Variants in DUOX1 observed in about 807,000 individuals in gnomAD.
DUOX1 encodes NADPH thyroid oxidase 1.
DUOX1 carries 134 observed loss-of-function variants against 181.8 expected under a neutral mutation model. The ratio of observed to expected loss-of-function variants is 0.74; its 90% CI spans 0.64 to 0.85. The LOEUF (loss-of-function observed/expected upper bound fraction) is 0.85, where lower values mean the gene tolerates loss of function less well. Ranked by LOEUF, DUOX1 falls within the 40% of genes least tolerant of loss-of-function variation. DUOX1 has a pLI of 0.00. For missense variants in DUOX1, 1,814 were observed against 2,064.4 expected (o/e 0.88, Z 2.35); for synonymous variants, 798 against 832.5 (o/e 0.96, Z 0.71).
rs749756685 is a variant in DUOX1 at position 45,152,484 on chromosome 15, G to T, written c.3392G>T (p.Arg1131Leu). ...TTCGACGCCGCCGTGGACTTCCATC[G>T]CCTCATTGCCTCCACCGCCATCGTC... The part of the protein sequence containing the change: ...VPFDAAVDFH[R>L]LIASTAIVLT... The change falls in exon 25 of 34, where the codon CGC (arginine) becomes CTC (leucine). Residue 1131 changes from arginine (R) to leucine (L), a missense_variant. Physicochemically the swap from Arg to Leu is moderately radical, Grantham distance 102. Coordinates refer to ENST00000389037, the MANE Select transcript of DUOX1 (RefSeq NM_175940.3). The T allele has an allele frequency of 5.0e-6, 8 of 1,614,090 alleles. No homozygotes were observed. The highest frequency in any genetic ancestry group is 6.8e-6 in the Non-Finnish European group (8 of 1,180,012).
intron 26 of DUOX1, 95 bp downstream of exon 26, chr15:45,153,574 G>T: frequency 7.8e-7 from 1 of 1,274,488 alleles, no homozygotes; most frequent in Non-Finnish European, 1.1e-6. Context: ...CTTTTGGGTG[G>T]AAAGAAATTA....
At position 45,136,619 on chromosome 15, in the gene DUOX1, A is replaced by G; in HGVS notation, c.1016A>G (p.Tyr339Cys). Residue 339 changes from tyrosine (Y) to cysteine (C), a missense_variant, in exon 9 of 34, where the codon TAC becomes TGC. Tyr to Cys is a radical substitution (Grantham distance 194). This residue lies in a region of DUOX1 where 1,064 missense variants were observed against 1,152.9 expected (regional missense o/e 0.92). Transcript: ENST00000389037. ...FLSTMVPPGV[Y>C]MRNASCHFQG... ...TCCACCATGGTGCCCCCTGGCGTCTACATGAGGTGAGGGAGGGGCTCAAAG... is the reference window on the plus strand; with the variant it reads ...TCCACCATGGTGCCCCCTGGCGTCTGCATGAGGTGAGGGAGGGGCTCAAAG... 2 of 1,614,028 alleles carry G rather than the reference A, an allele frequency of 1.2e-6. No individual in the cohort carries two copies. The highest frequency in any genetic ancestry group is 1.7e-6 in the Non-Finnish European group (2 of 1,179,994).
intron 26 of DUOX1, 169 bp from the exon 27 acceptor site, chr15:45,153,782 G>A: frequency 3.0e-6 from 2 of 661,530 alleles, no homozygotes; most frequent in Admixed American, 2.5e-5. Context: ...AGCTACTGGG[G>A]AGGCTGAGGC....
rs1896384540 is a variant in DUOX1, at chr15:45,138,139, G to A, written c.1113+125G>A. On this transcript the variant is annotated intron_variant, in intron 10 of 33. Coordinates refer to ENST00000389037, the MANE Select transcript of DUOX1 (RefSeq NM_175940.3). Reference sequence around the variant, plus strand: ...GGTGAAAGTGGTCAGTAAGGCTGACGCAGGTAGCTGGGATAGGCTGGGGTG... The same window carrying A: ...GGTGAAAGTGGTCAGTAAGGCTGACACAGGTAGCTGGGATAGGCTGGGGTG... The A allele has an allele frequency of 1.6e-5, 10 of 615,548 alleles. No individual in the cohort carries two copies. In the East Asian group the frequency reaches 2.1e-4, roughly 13 times the overall value. 38.1% of individuals were successfully genotyped at this position (615,548 alleles called of 1,614,324 possible).
rs1489145730 is a variant in DUOX1 at position 45,154,016 on chromosome 15, G to C, written c.3574+16G>C. 3 of 1,612,862 alleles carry C rather than the reference G, an allele frequency of 1.9e-6. No homozygotes were observed. Among genetic ancestry groups the C allele is most frequent in the Non-Finnish European group, 2.5e-6 (3 of 1,179,040 alleles). ...ACCGTACCAGGTGAGAACCCTCCTT[G>C]ATCCATGAATTTCTGGACCTGACTG... On this transcript the variant is annotated intron_variant, in intron 27 of 33. Transcript: ENST00000389037.
intron 10 of DUOX1, chr15:45,138,762 G>A: frequency 3.1e-6 from 1 of 319,196 alleles, no homozygotes; most frequent in African/African-American, 2.2e-5. Flanking sequence ...GTTAGTAACA[G>A]AGGACTAAGA....
intron 21 of DUOX1, among the ~76,000 whole-genome samples, chr15:45,149,307 C>G (rs1896746021): frequency 6.6e-6 from 1 of 152,134 alleles, no homozygotes; most frequent in Non-Finnish European, 1.5e-5. Flanking sequence ...GAGAAGGAAC[C>G]CAGCACTCCT....
chr15:45,138,381 A>G (rs1448899086), intron 10 of DUOX1, among the ~76,000 whole-genome samples: 3 of 152,014 alleles, frequency 2.0e-5, no homozygotes, highest in African/African-American at 4.8e-5. Flanking sequence ...GAGTACCCCA[A>G]CTAGTCTCAC....
intron 27 of DUOX1, among the ~76,000 whole-genome samples, chr15:45,154,733 A>G (rs976924661): frequency 2.0e-5 from 3 of 151,842 alleles, no homozygotes. Flanking sequence ...GGCTTTGGTT[A>G]GATCCCTTCT....
At chr15:45,163,409 C>A in intron 31 of DUOX1, 123 bp from the exon 32 acceptor site, 2 of 1,419,246 alleles carry the variant, frequency 1.4e-6, no homozygotes, top group Admixed American at 2.1e-5. Context: ...CTCCATCTCC[C>A]CAGGCTGTCT....
intron 33 of DUOX1, 102 bp from the exon 34 acceptor site, chr15:45,164,677 C>A: frequency 7.6e-7 from 1 of 1,322,864 alleles, no homozygotes; most frequent in Non-Finnish European, 1.1e-6. Context: ...TGCTATGTTG[C>A]CCAGGCTGGT....
At chr15:45,136,668 G>C in intron 9 of DUOX1, 43 bp downstream of exon 9, 1 of 1,596,726 alleles carries the variant, frequency 6.3e-7, no homozygotes, top group Non-Finnish European at 8.6e-7. Flanking sequence ...GAGGGATGGG[G>C]CTGTCAACTG....
In DUOX1 at chr15:45,139,412, G is replaced by A. The variant is rs1338596720; in HGVS notation, c.1217-15G>A. On this transcript the variant is annotated splice_polypyrimidine_tract_variant and intron_variant, in intron 11 of 33. Transcript: ENST00000389037. ...GCCCTGAGCTCCCTCAGACTGTCTG[G>A]TATCTTGTCTCCAGATTTCTGGCCT... 2 of 1,611,730 alleles carry A rather than the reference G, an allele frequency of 1.2e-6. No individual in the cohort carries two copies. The highest frequency in any genetic ancestry group is 1.7e-6 in the Non-Finnish European group (2 of 1,179,384).
chr15:45,156,923 C>T (rs1412535311), intron 28 of DUOX1, among the ~76,000 whole-genome samples: 1 of 152,178 alleles, frequency 6.6e-6, no homozygotes, highest in Non-Finnish European at 1.5e-5. Context: ...TGTCTGCCTT[C>T]CTCATGAGCA....
chr15:45,138,126 C>T, intron 10 of DUOX1, 112 bp downstream of exon 10: 1 of 747,306 alleles, frequency 1.3e-6, no homozygotes, highest in Non-Finnish European at 1.9e-6. Flanking sequence ...TGAAAGTGGT[C>T]AGTAAGGCTG....
chr15:45,150,275 G>A lies in DUOX1; in HGVS notation c.2819-357G>A. The A allele has an allele frequency of 1.7e-5, 4 of 235,628 alleles. No individual in the cohort carries two copies. The South Asian group carries it at 3.7e-4, about 22-fold the overall frequency. The allele number at this position is 235,628 out of a possible 1,614,324, so 14.6% of individuals were successfully genotyped here. A position where few individuals can be genotyped will look rare whatever the true frequency, so the allele number is the denominator to read the frequency against. ...TAGATTCTACATTTAGCTCTTGGAG[G>A]TTTTAAGCTAGAGGATCTTAAGCCA... On this transcript the variant is annotated intron_variant, in intron 21 of 33. Transcript: ENST00000389037.
chr15:45,164,707 CCTT>C (rs1410150680), intron 33 of DUOX1, 69 bp from the exon 34 acceptor site: 1 of 1,571,444 alleles, frequency 6.4e-7, no homozygotes, highest in African/African-American at 1.4e-5. Flanking sequence ...GGGAGCTACC[CCTT>C]CCTCTGAACA....
intron 10 of DUOX1, chr15:45,138,703 GAA>G (rs1896404260): frequency 9.9e-6 from 2 of 201,264 alleles, no homozygotes; most frequent in Non-Finnish European, 2.0e-5. Flanking sequence ...TTAAGGGAAG[GAA>G]ACTGAGTTCA....
At chr15:45,161,685 C>T in intron 29 of DUOX1, 53 bp from the exon 30 acceptor site, 1 of 1,538,844 alleles carries the variant, frequency 6.5e-7, no homozygotes, top group Non-Finnish European at 8.9e-7. Context: ...CTCTGGAGGC[C>T]ACATTGTTGC....
Sources: gnomAD v4.1 joint callset for allele counts (sites outside exome capture counted in the v4.1 genomes callset) on GRCh38, gnomAD v4.1.1 for gene constraint, gnomAD v4.1.1 regional missense constraint, MANE v1.5 for transcripts, NCBI Gene and HGNC (gene_info 2026-07-23, HGNC 2026-07-21) for gene names.